The following CREG2 variants were observed in gnomAD, a reference collection of about 807,000 sequenced individuals.
CREG2 encodes the protein protein CREG2.
A neutral mutation model predicts 26.2 loss-of-function variants in CREG2; 24 were observed. That is an observed-to-expected ratio of 0.92 (90% CI 0.66 to 1.29). CREG2 has a LOEUF of 1.29. Ranked by LOEUF, CREG2 falls within the 50% of genes most tolerant of loss-of-function variation. The pLI, the probability that CREG2 is intolerant of heterozygous loss-of-function variation, is 0.00. For missense variants in CREG2, 366 were observed against 398.6 expected, an observed-to-expected ratio of 0.92 and a Z score of 0.70; for synonymous variants, 174 against 169.2, an observed-to-expected ratio of 1.03 and a Z score of -0.22.
At chr2:101,382,807 C>T in intron 2 of CREG2, 2 of 985,400 alleles carry the variant, frequency 2.0e-6, no homozygotes, top group Non-Finnish European at 1.2e-6. Context: ...GGTGGAGTGA[C>T]TAAGGTCCTG....
At chr2:101,360,739 GAAA>G (rs201357877) in intron 2 of CREG2, among the ~76,000 whole-genome samples, 1 of 123,400 alleles carries the variant, frequency 8.1e-6, no homozygotes, top group Non-Finnish European at 1.7e-5. Context: ...CTCAGTCTCA[GAAA>G]AAAAAAAAAA....
rs757005480 is a variant in CREG2, at chr2:101,387,368, C to A, written c.90G>T (p.Ala30=). 1.4e-6 allele frequency: 2 copies of A among 1,435,194 alleles called. No individual in the cohort carries two copies. The highest frequency in any genetic ancestry group is 3.2e-5 in the East Asian group (1 of 30,892). 88.9% of individuals were successfully genotyped at this position (1,435,194 alleles called of 1,614,324 possible). Residue 30 remains alanine, a synonymous_variant, in exon 1 of 4, where the codon GCG becomes GCT. Coordinates refer to ENST00000324768, the MANE Select transcript of CREG2 (RefSeq NM_153836.4). This position sits in a 1 kb window ranked among gnomAD's most constrained non-coding sequence, Gnocchi z 4.7. The part of the protein sequence containing the change: ...LCCSALLSPA[A]GYVIVSSVSW... Reference sequence around the variant, plus strand: ...ACACGGAGCTCACGATCACGTAGCCCGCGGCCGGGGACAGCAGGGCGCTGC... The same window carrying A: ...ACACGGAGCTCACGATCACGTAGCCAGCGGCCGGGGACAGCAGGGCGCTGC...
intron 3 of CREG2, among the ~76,000 whole-genome samples, chr2:101,352,175 CTCAG>C (rs1375408236): frequency 6.6e-6 from 1 of 152,140 alleles, no homozygotes; most frequent in African/African-American, 2.4e-5. Context: ...TGCTACCACA[CTCAG>C]TCAATCATCT....
intron 3 of CREG2, among the ~76,000 whole-genome samples, chr2:101,352,785 G>A (rs1463723096): frequency 2.6e-5 from 4 of 151,954 alleles, no homozygotes; most frequent in Non-Finnish European, 4.4e-5. Flanking sequence ...TCCAGCCTGG[G>A]CAACAGACCT....
At chr2:101,382,672 T>A in intron 2 of CREG2, 3 of 985,474 alleles carry the variant, frequency 3.0e-6, no homozygotes, top group Non-Finnish European at 3.6e-6. Context: ...ATAGTTGCTT[T>A]GATTAGCCTC....
intron 2 of CREG2, among the ~76,000 whole-genome samples, chr2:101,370,485 T>C (rs1051202853): frequency 6.6e-6 from 1 of 152,146 alleles, no homozygotes; most frequent in Non-Finnish European, 1.5e-5. Context: ...ATCAGACAAA[T>C]TAAGTTTCTC....
intron 2 of CREG2, among the ~76,000 whole-genome samples, chr2:101,372,971 TA>T (rs1404217094): frequency 6.6e-6 from 1 of 152,114 alleles, no homozygotes; most frequent in South Asian, 2.1e-4. Context: ...ACAGGTATGA[TA>T]AAAAAGACAG....
At chr2:101,384,307 TA>T (rs529230715) in intron 1 of CREG2, among the ~76,000 whole-genome samples, 125 of 152,366 alleles carry the variant, frequency 8.2e-4, no homozygotes, top group Non-Finnish European at 1.3e-3. Flanking sequence ...ATTGATTTGT[TA>T]CCCTTTTTGC....
At chr2:101,374,995 A>T (rs1330219172) in intron 2 of CREG2, among the ~76,000 whole-genome samples, 1 of 151,864 alleles carries the variant, frequency 6.6e-6, no homozygotes, top group African/African-American at 2.4e-5. Flanking sequence ...GCCTGCTGAC[A>T]CCCTCCCCTC....
chr2:101,381,667 A>C (rs1013943041), intron 2 of CREG2, among the ~76,000 whole-genome samples: 1 of 152,196 alleles, frequency 6.6e-6, no homozygotes, highest in Non-Finnish European at 1.5e-5. Flanking sequence ...GACATAAACT[A>C]AGGGGTACCC....
chr2:101,386,912 T>A, intron 1 of CREG2, 105 bp downstream of exon 1: 1 of 1,135,024 alleles, frequency 8.8e-7, no homozygotes, highest in Non-Finnish European at 1.1e-6. Context: ...GCACGTCTGG[T>A]GGACCCGGAT....
At chr2:101,351,943 T>C (rs955949631) in intron 3 of CREG2, among the ~76,000 whole-genome samples, 2 of 152,114 alleles carry the variant, frequency 1.3e-5, no homozygotes, top group Non-Finnish European at 2.9e-5. Context: ...TGGAGTGCAG[T>C]GGCGGGATCA....
chr2:101,387,454 A>G lies in CREG2; in HGVS notation c.4T>C (p.Ser2Pro). 1.7e-6 allele frequency: 2 copies of G among 1,181,052 alleles called. No homozygotes were observed. The highest frequency in any genetic ancestry group is 3.1e-4 in the Middle Eastern group (1 of 3,256). The allele number at this position is 1,181,052 out of a possible 1,614,324, so 73.2% of individuals were successfully genotyped here. Residue 2 changes from serine (S) to proline (P), a missense_variant, in exon 1 of 4, where the codon TCC (serine) becomes CCC (proline). This residue lies in a region of CREG2 where 177 missense variants were observed against 183.3 expected (regional missense o/e 0.97). Transcript: ENST00000324768. The surrounding 1 kb of genome is among the most constrained non-coding windows in gnomAD (Gnocchi z 4.7). ...GCCGGCCGCCGGCCGCGGCGCACGG[A>G]CATCTTGCAGGCAGCACGCCCGGCC... Reference protein sequence around the residue: MSVRRGRRPARP... With the variant: MPVRRGRRPARP...
At chr2:101,373,042 C>G (rs1684736435) in intron 2 of CREG2, among the ~76,000 whole-genome samples, 1 of 152,168 alleles carries the variant, frequency 6.6e-6, no homozygotes. Context: ...TTTAGGAAAA[C>G]AGTTGGGCAG....
chr2:101,386,824 C>T lies in CREG2; in HGVS notation c.441+193G>A, dbSNP rs556105001. Among the ~76,000 whole-genome samples the T allele has an allele frequency of 8.5e-5, 13 of 152,304 alleles. No homozygotes were observed. The South Asian group carries it at 2.7e-3, about 32-fold the overall frequency. ...TTATCCATGTCCCTCTCCGACCCTC[C>T]CCCGACTTCGCCAGGCTCACGGAGG... is the stretch of plus-strand genomic sequence containing the variant. On this transcript the variant is annotated intron_variant, in intron 1 of 3. Transcript: ENST00000324768.
rs1171145994 is a variant in CREG2 at position 101,345,721 on chromosome 2, G to A, written c.*5202C>T. 6.6e-6 allele frequency: 1 copy of A among 151,974 alleles called. No homozygotes were observed. Among genetic ancestry groups the A allele is most frequent in the Non-Finnish European group, 1.5e-5 (1 of 68,008 alleles). 9.4% of individuals were successfully genotyped at this position (151,974 alleles called of 1,614,324 possible). Reference sequence around the variant, plus strand: ...GTACAATAATTGACTTTCTGTTATAGCAATCAAATAAGCATCAATAAATTA... The same window carrying A: ...GTACAATAATTGACTTTCTGTTATAACAATCAAATAAGCATCAATAAATTA... On this transcript the variant is annotated 3_prime_UTR_variant, in exon 4 of 4. Transcript: ENST00000324768.
At chr2:101,382,427 G>GAAAA in intron 2 of CREG2, 4 of 768,742 alleles carry the variant, frequency 5.2e-6, no homozygotes, top group Non-Finnish European at 6.2e-6. Context: ...ACTCTATCTC[G>GAAAA]AAAAAAAAAA....
intron 2 of CREG2, among the ~76,000 whole-genome samples, chr2:101,369,533 C>T (rs566279942): frequency 8.5e-5 from 13 of 152,250 alleles, no homozygotes; most frequent in African/African-American, 3.1e-4. Flanking sequence ...TGAGGGTAGA[C>T]TGGATAGAGC....
chr2:101,377,246 A>C (rs1477445909), intron 2 of CREG2, among the ~76,000 whole-genome samples: 11 of 152,014 alleles, frequency 7.2e-5, no homozygotes, highest in Admixed American at 7.2e-4. Context: ...AATGTATTCT[A>C]CTCTTAAAAA....
Sources: gnomAD v4.1 joint callset for allele counts (sites outside exome capture counted in the v4.1 genomes callset) on GRCh38, gnomAD v4.1.1 for gene constraint, gnomAD v4.1.1 regional missense constraint, Gnocchi (gnomAD v3.1) non-coding constraint, MANE v1.5 for transcripts, NCBI Gene and HGNC (gene_info 2026-07-23, HGNC 2026-07-21) for gene names.